Variants in CPNE5 observed in about 807,000 individuals in gnomAD.
CPNE5 encodes the protein copine-5.
CPNE5 carries 42 observed loss-of-function variants against 81.1 expected under a neutral mutation model. The ratio of observed to expected loss-of-function variants is 0.52; its 90% confidence interval spans 0.40 to 0.67. CPNE5 has a LOEUF of 0.67. CPNE5 is among the 30% of genes least tolerant of loss of function. The probability of loss-of-function intolerance (pLI) is 0.00; values close to 1 mark genes in which losing one functional copy is unlikely to be tolerated. For synonymous variants in CPNE5, 313 were observed against 321.5 expected, an observed-to-expected ratio of 0.97 and a Z score of 0.28; for missense variants, 612 against 815.5, an observed-to-expected ratio of 0.75 and a Z score of 3.04.
At chr6:36,797,920 G>A (rs185139722) in intron 6 of CPNE5, among the ~76,000 whole-genome samples, 2 of 152,202 alleles carry the variant, frequency 1.3e-5, no homozygotes, top group South Asian at 2.1e-4. Flanking sequence ...AGACTATATG[G>A]TGTCTAGTCT....
chr6:36,778,174 G>C (rs1767717246), intron 9 of CPNE5, among the ~76,000 whole-genome samples: 1 of 152,156 alleles, frequency 6.6e-6, no homozygotes, highest in Admixed American at 6.5e-5. Context: ...CACACAACAG[G>C]CTGCTGGGGA....
At chr6:36,820,909 T>C (rs748790638) in intron 3 of CPNE5, among the ~76,000 whole-genome samples, 17 of 151,104 alleles carry the variant, frequency 1.1e-4, no homozygotes, top group Admixed American at 4.6e-4. Flanking sequence ...ATCACACCAC[T>C]GCACTCCAGC....
At chr6:36,759,312 C>T (rs1381628563) in intron 12 of CPNE5, among the ~76,000 whole-genome samples, 3 of 152,102 alleles carry the variant, frequency 2.0e-5, no homozygotes, top group African/African-American at 7.2e-5. Context: ...CTCTCCAGCC[C>T]CGCCACGGTG....
intron 15 of CPNE5, among the ~76,000 whole-genome samples, chr6:36,747,164 GT>G (rs752847279): frequency 5.9e-5 from 9 of 152,040 alleles, no homozygotes; most frequent in Non-Finnish European, 8.8e-5. Flanking sequence ...CTGCTCAAGT[GT>G]CACCTCCTCA....
At chr6:36,744,183 C>A (rs1322126282) in intron 19 of CPNE5, 85 bp downstream of exon 19, 3 of 1,145,228 alleles carry the variant, frequency 2.6e-6, no homozygotes, top group African/African-American at 3.1e-5. Context: ...CCCAGGGGAC[C>A]ACAGCCTCTG....
chr6:36,774,971 C>T lies in CPNE5; in HGVS notation c.727G>A (p.Asp243Asn), dbSNP rs768759227. ...SIPVRALCNGDYDRTIKVEVY... is the reference protein window; with the variant it reads ...SIPVRALCNGNYDRTIKVEVY... ...ATTTTCTCATCTCACCGATCGTAGT[C>T]GCCGTTGCAGAGGGCTCTCACGGGA... Residue 243 changes from aspartate to asparagine, a missense_variant, in exon 10 of 21, where the codon GAC (aspartate) becomes AAC (asparagine). Physicochemically the swap from Asp to Asn is conservative, Grantham distance 23 (BLOSUM62 1). Coordinates refer to ENST00000244751, the MANE Select transcript of CPNE5 (RefSeq NM_020939.2). 3.7e-6 allele frequency: 6 copies of T among 1,613,382 alleles called. No individual in the cohort carries two copies. The highest frequency in any genetic ancestry group is 2.2e-5 in the South Asian group (2 of 91,054).
chr6:36,760,288 G>A (rs1765897325), intron 12 of CPNE5, among the ~76,000 whole-genome samples: 1 of 151,418 alleles, frequency 6.6e-6, no homozygotes, highest in South Asian at 2.1e-4. Context: ...CCAAATGAAA[G>A]AGCTTGGAAC....
intron 9 of CPNE5, among the ~76,000 whole-genome samples, chr6:36,777,766 CCACACACACACA>C (rs34423091): frequency 1.6e-3 from 175 of 109,332 alleles, no homozygotes; most frequent in African/African-American, 2.7e-3. Flanking sequence ...CCCCCCCCCA[CCACACACACACA>C]CACACACACA....
At chr6:36,768,274 GCCCAAGCTGGAGTGCAGTGGTACGA>G (rs1766763840) in intron 10 of CPNE5, among the ~76,000 whole-genome samples, 2 of 113,632 alleles carry the variant, frequency 1.8e-5, no homozygotes, top group Admixed American at 1.0e-4. Context: ...TCGCTCTGTC[GCCCAAGCTGGAGTGCAGTGGTACGA>G]TCTCGGCTCA....
chr6:36,745,943 G>A (rs9470386), intron 16 of CPNE5, among the ~76,000 whole-genome samples: 66,851 of 152,024 alleles, frequency 0.44, 15,098 homozygotes, highest in Middle Eastern at 0.53. Flanking sequence ...TCCCCAGCTC[G>A]TGGGAGCCAG....
chr6:36,762,273 C>T (rs1373817664), intron 12 of CPNE5, among the ~76,000 whole-genome samples: 1 of 147,818 alleles, frequency 6.8e-6, no homozygotes, highest in African/African-American at 2.5e-5. Context: ...CACACGCATA[C>T]ACACACACGC....
chr6:36,839,509 G>C, upstream of CPNE5: 1 of 656,550 alleles, frequency 1.5e-6, no homozygotes, highest in Non-Finnish European at 2.5e-6. This position sits in a 1 kb window ranked among gnomAD's most constrained non-coding sequence, Gnocchi z 7.3. Flanking sequence ...AGAGAGGAGC[G>C]CGAAGAGGGG....
chr6:36,744,642 C>T (rs1464620672), intron 18 of CPNE5: 4 of 490,570 alleles, frequency 8.2e-6, no homozygotes, highest in African/African-American at 1.9e-5. Flanking sequence ...TCCTGAGCTT[C>T]CCCAACTCTG....
intron 8 of CPNE5, among the ~76,000 whole-genome samples, chr6:36,783,893 G>A (rs1394456269): frequency 6.6e-6 from 1 of 152,186 alleles, no homozygotes; most frequent in Non-Finnish European, 1.5e-5. Context: ...GCTAGCAAGA[G>A]GCGCTAAGAT....
At chr6:36,831,028 G>T (rs550962795) in intron 1 of CPNE5, among the ~76,000 whole-genome samples, 2 of 152,090 alleles carry the variant, frequency 1.3e-5, no homozygotes, top group Admixed American at 1.3e-4. Flanking sequence ...TCTTCACGAT[G>T]ACCAGAATTC....
At chr6:36,822,076 A>G in intron 3 of CPNE5, 38 bp downstream of exon 3, 1 of 1,508,206 alleles carries the variant, frequency 6.6e-7, no homozygotes, top group Non-Finnish European at 8.9e-7. Context: ...AGACAGGAAC[A>G]GGCTGGTGTT....
In CPNE5 at chr6:36,822,143, G is replaced by A. The variant is rs1772106857; in HGVS notation, c.154C>T (p.Gln52Ter). ...KSDPLCVMYT[Q>*]GMENKQWREF... is the part of the protein sequence containing the mutation. ...CGCCACTGCTTGTTCTCCATCCCTT[G>A]GGTATACATGACGCACACTGCGGGG... The change falls in exon 3 of 21, where the codon CAA becomes TAA. Residue 52 changes from glutamine (Q) to a stop codon, truncating the protein, a stop_gained. Transcript: ENST00000244751. LOFTEE classifies it high-confidence loss of function. 4 of 1,536,068 alleles carry A rather than the reference G, an allele frequency of 2.6e-6. No individual in the cohort carries two copies. Among genetic ancestry groups the A allele is most frequent in the Non-Finnish European group, 3.5e-6 (4 of 1,135,540 alleles).
In CPNE5 at chr6:36,799,955, T is replaced by A; in HGVS notation, c.287+12A>T. On this transcript the variant is annotated intron_variant, in intron 4 of 20. Coordinates refer to ENST00000244751, the MANE Select transcript of CPNE5 (RefSeq NM_020939.2). The stretch of plus-strand genomic sequence containing the variant: ...CCACCTGGCTGCATCTTCAGCACCA[T>A]CTTCCACTTACAGATCAAAACGGAG... 1 of 1,590,582 alleles carries A rather than the reference T, an allele frequency of 6.3e-7. No homozygotes were observed. Among genetic ancestry groups the A allele is most frequent in the Non-Finnish European group, 8.6e-7 (1 of 1,158,682 alleles).
chr6:36,821,467 T>A (rs896815173), intron 3 of CPNE5, among the ~76,000 whole-genome samples: 1 of 152,056 alleles, frequency 6.6e-6, no homozygotes, highest in Admixed American at 6.6e-5. Flanking sequence ...GGAGACCCCA[T>A]TCACTTCACA....
Sources: allele counts gnomAD v4.1 joint callset (sites outside exome capture counted in the v4.1 genomes callset), GRCh38; gene constraint gnomAD v4.1.1; non-coding constraint Gnocchi (gnomAD v3.1); transcripts MANE v1.5; gene names NCBI Gene and HGNC (gene_info 2026-07-23, HGNC 2026-07-21).